Variants in TARS3 observed in about 807,000 individuals in gnomAD.
TARS3 encodes the protein threonyl-tRNA synthetase 3.
Under a neutral mutation model 103.5 loss-of-function variants are expected in TARS3, and 94 were observed. That is an observed-to-expected ratio of 0.91 (90% confidence interval 0.77 to 1.08). The LOEUF is 1.08. Among genes scored for constraint, TARS3 ranks in the 50% least tolerant of loss-of-function variants. TARS3 has a pLI of 0.00. For missense variants in TARS3, 952 were observed against 995.2 expected (o/e 0.96, Z 0.58); for synonymous variants, 416 against 355.4 (o/e 1.17, Z -1.92).
At position 101,701,747 on chromosome 15, in the gene TARS3, G is replaced by A. The variant is rs552005591; in HGVS notation, c.1221+492C>T. Among the ~76,000 whole-genome samples the A allele has an allele frequency of 9.2e-5, 14 of 152,212 alleles. No individual in the cohort carries two copies. The South Asian group carries it at 2.9e-3, about 32-fold the overall frequency. On this transcript the variant is annotated intron_variant, in intron 9 of 18. Coordinates refer to ENST00000335968, the MANE Select transcript of TARS3 (RefSeq NM_152334.3). ...GCTGCTCTGTCTCCCAGATACAAAG[G>A]ATGCTATAAAGTGCACAGAATGTAA...
intron 10 of TARS3, among the ~76,000 whole-genome samples, chr15:101,700,790 C>T (rs1006785744): frequency 2.0e-5 from 3 of 151,976 alleles, no homozygotes; most frequent in Admixed American, 1.3e-4. Flanking sequence ...TACAGGTGTG[C>T]ACCACCACAC....
intron 1 of TARS3, 62 bp from the exon 2 acceptor site, chr15:101,723,226 G>C: frequency 1.3e-6 from 2 of 1,488,490 alleles, no homozygotes; most frequent in South Asian, 2.3e-5. Context: ...ATTTTAAGAA[G>C]AGAGTCATGC....
intron 10 of TARS3, among the ~76,000 whole-genome samples, chr15:101,700,511 C>A (rs1347450456): frequency 6.6e-6 from 1 of 152,098 alleles, no homozygotes; most frequent in Non-Finnish European, 1.5e-5. Context: ...TAGTCTAATG[C>A]TTACCTTTAT....
chr15:101,690,783 T>C (rs969893194), intron 10 of TARS3, among the ~76,000 whole-genome samples: 2 of 152,208 alleles, frequency 1.3e-5, no homozygotes, highest in African/African-American at 4.8e-5. Context: ...TGATTTTAAT[T>C]GTATATTTTA....
At chr15:101,666,642 C>A (rs1897592630) in intron 15 of TARS3, among the ~76,000 whole-genome samples, 1 of 152,010 alleles carries the variant, frequency 6.6e-6, no homozygotes, top group Admixed American at 6.5e-5. Context: ...AGGTTATTTT[C>A]TTTGAAAGTA....
chr15:101,724,291 T>A lies in TARS3; in HGVS notation c.97A>T (p.Arg33Trp), dbSNP rs763944776. The A allele has an allele frequency of 5.1e-6, 8 of 1,573,772 alleles. No homozygotes were observed. Among genetic ancestry groups the A allele is most frequent in the Non-Finnish European group, 6.9e-6 (8 of 1,166,446 alleles). ...RWLWSEVERLRDEQLNAPYSC... is the reference protein window; with the variant it reads ...RWLWSEVERLWDEQLNAPYSC... ...TAGGGCGCGTTCAGCTGCTCGTCCC[T>A]CAGGCGCTCGACCTCCGACCACAGC... is the stretch of plus-strand genomic sequence containing the variant. Residue 33 changes from arginine to tryptophan, a missense_variant, in exon 1 of 19, where the codon AGG (arginine) becomes TGG (tryptophan). Around this residue, in one of 2 missense-constraint regions of TARS3, gnomAD observed 412 missense variants for 364.2 expected, o/e 1.13. Transcript: ENST00000335968.
intron 10 of TARS3, among the ~76,000 whole-genome samples, chr15:101,700,448 G>T (rs1205432187): frequency 6.6e-6 from 1 of 152,192 alleles, no homozygotes; most frequent in Non-Finnish European, 1.5e-5. Context: ...TTAACACTCT[G>T]TACCAGAGAC....
At chr15:101,712,313 A>G (rs935262871) in intron 4 of TARS3, among the ~76,000 whole-genome samples, 3 of 152,176 alleles carry the variant, frequency 2.0e-5, no homozygotes, top group Non-Finnish European at 2.9e-5. Context: ...CTCTCAGAAC[A>G]GCCAGCAGAG....
intron 13 of TARS3, among the ~76,000 whole-genome samples, chr15:101,673,629 GCT>G (rs1168060173): frequency 6.6e-6 from 1 of 152,202 alleles, no homozygotes; most frequent in African/African-American, 2.4e-5. Context: ...CCAGAGCTGA[GCT>G]CTGTGTCCTC....
rs368602262 is a variant in TARS3 at position 101,700,274 on chromosome 15, T to C, written c.1320+812A>G. On this transcript the variant is annotated intron_variant, in intron 10 of 18. Coordinates refer to ENST00000335968, the MANE Select transcript of TARS3 (RefSeq NM_152334.3). ...TACACAGTCCTTATCATGTAAATAC[T>C]AAAGACTTTCCCACCTATGAACTTG... Among the ~76,000 whole-genome samples, 3 of 152,352 alleles carry C rather than the reference T, an allele frequency of 2.0e-5. No homozygotes were observed. In the East Asian group the frequency reaches 5.8e-4, roughly 29 times the overall value.
chr15:101,685,827 T>C, intron 11 of TARS3, 69 bp downstream of exon 11: 2 of 1,302,646 alleles, frequency 1.5e-6, no homozygotes, highest in Non-Finnish European at 2.1e-6. Context: ...CACAAAGCAT[T>C]AAAAGATAAT....
At chr15:101,715,958 A>C (rs553494766) in intron 3 of TARS3, among the ~76,000 whole-genome samples, 18 of 152,268 alleles carry the variant, frequency 1.2e-4, no homozygotes, top group Admixed American at 1.0e-3. Context: ...TGATTTAATT[A>C]TTAGTTTTGG....
intron 13 of TARS3, among the ~76,000 whole-genome samples, chr15:101,672,484 T>C (rs1037829902): frequency 1.3e-5 from 2 of 152,096 alleles, no homozygotes; most frequent in African/African-American, 4.8e-5. Flanking sequence ...ACTCCCATCA[T>C]CACCTCCAAC....
rs542757225 is a variant in TARS3 at position 101,661,084 on chromosome 15, G to A, written c.2072+628C>T. ...CTTATCTCCGGCCATTCTTCCTTCC[G>A]GGCAAAAAGGACCACAGGATGCACC... On this transcript the variant is annotated intron_variant, in intron 16 of 18. Coordinates refer to ENST00000335968, the MANE Select transcript of TARS3 (RefSeq NM_152334.3). 1.3e-3 allele frequency among the ~76,000 whole-genome samples: 51 copies of A among 38,408 alleles called. 1 individual carries two copies. The South Asian group carries it at 0.02, about 15-fold the overall frequency. 25.2% of individuals were successfully genotyped at this position (38,408 alleles called of 152,430 possible). A position where few individuals can be genotyped will look rare whatever the true frequency, so the allele number is the denominator to read the frequency against.
chr15:101,698,971 A>G (rs1899118913), intron 10 of TARS3, among the ~76,000 whole-genome samples: 1 of 152,210 alleles, frequency 6.6e-6, no homozygotes, highest in South Asian at 2.1e-4. Flanking sequence ...CAAAAGTTGA[A>G]TCTTATTAAA....
At chr15:101,693,280 T>G (rs1321967469) in intron 10 of TARS3, among the ~76,000 whole-genome samples, 1 of 152,072 alleles carries the variant, frequency 6.6e-6, no homozygotes, top group African/African-American at 2.4e-5. Context: ...GGCCTCACAA[T>G]CACGGTGGAA....
At chr15:101,668,932 T>TTA (rs1324308255) in intron 15 of TARS3, among the ~76,000 whole-genome samples, 1 of 152,252 alleles carries the variant, frequency 6.6e-6, no homozygotes, top group Non-Finnish European at 1.5e-5. Context: ...TACTGGTTTA[T>TTA]GTATTTACTA....
intron 10 of TARS3, among the ~76,000 whole-genome samples, chr15:101,696,912 C>A (rs928451193): frequency 6.6e-6 from 1 of 152,172 alleles, no homozygotes; most frequent in Admixed American, 6.5e-5. Flanking sequence ...ACATGGGATG[C>A]CTCCGTGTCC....
chr15:101,687,349 G>C (rs1898519771), intron 10 of TARS3, among the ~76,000 whole-genome samples: 1 of 152,162 alleles, frequency 6.6e-6, no homozygotes, highest in African/African-American at 2.4e-5. Context: ...GTTGCAGTGA[G>C]CCAAGGTCAC....
Sources: gnomAD v4.1 joint callset for allele counts (sites outside exome capture counted in the v4.1 genomes callset) on GRCh38, gnomAD v4.1.1 for gene constraint, gnomAD v4.1.1 regional missense constraint, MANE v1.5 for transcripts, NCBI Gene and HGNC (gene_info 2026-07-23, HGNC 2026-07-21) for gene names.